The following ZHX2 variants were observed in gnomAD, a reference collection of about 807,000 sequenced individuals.
ZHX2 encodes zinc fingers and homeoboxes 2.
In ZHX2, 6 loss-of-function variants were observed where a neutral mutation model predicts 21.9. The observed-to-expected ratio is 0.27, with a 90% confidence interval of 0.15 to 0.54. ZHX2 has a LOEUF of 0.54. ZHX2 is among the 20% of genes least tolerant of loss of function. The pLI is 0.95. For missense variants in ZHX2, 908 were observed against 1,090.7 expected (o/e 0.83, Z 2.36); for synonymous variants, 434 against 437.1 (o/e 0.99, Z 0.09).
chr8:122,812,334 C>T (rs899228470), intron 1 of ZHX2, among the ~76,000 whole-genome samples: 2 of 152,224 alleles, frequency 1.3e-5, no homozygotes, highest in Admixed American at 6.5e-5. Flanking sequence ...GTGGTTCACA[C>T]CCCGTAGCAA....
intron 1 of ZHX2, among the ~76,000 whole-genome samples, chr8:122,849,525 C>G (rs1246905906): frequency 6.6e-6 from 1 of 151,890 alleles, no homozygotes; most frequent in Non-Finnish European, 1.5e-5. Context: ...CTTTTTTTTG[C>G]CTCTTCTGGC....
intron 1 of ZHX2, among the ~76,000 whole-genome samples, chr8:122,832,811 G>A (rs1304355315): frequency 3.9e-5 from 6 of 152,156 alleles, no homozygotes; most frequent in African/African-American, 7.2e-5. Flanking sequence ...ATAGGTGACC[G>A]AGGAGGTGCA....
intron 1 of ZHX2, among the ~76,000 whole-genome samples, chr8:122,847,681 C>A (rs1426805847): frequency 6.6e-6 from 1 of 152,218 alleles, no homozygotes; most frequent in Non-Finnish European, 1.5e-5. Context: ...ATGACTGTCC[C>A]CTTGGGGAAC....
chr8:122,968,045 G>A (rs1389179748), intron 3 of ZHX2, among the ~76,000 whole-genome samples: 5 of 152,140 alleles, frequency 3.3e-5, no homozygotes, highest in Admixed American at 1.3e-4. Context: ...TGAGAAGGCG[G>A]TGCAGAAAGG....
chr8:122,918,946 C>CAAA (rs79202862), intron 2 of ZHX2, among the ~76,000 whole-genome samples: 4 of 74,184 alleles, frequency 5.4e-5, no homozygotes, highest in Non-Finnish European at 2.9e-5. Context: ...GACTCCACCT[C>CAAA]AAAAAAAAAA....
At chr8:122,907,960 C>G (rs533521722) in intron 2 of ZHX2, among the ~76,000 whole-genome samples, 1 of 152,172 alleles carries the variant, frequency 6.6e-6, no homozygotes, top group African/African-American at 2.4e-5. Flanking sequence ...GATCTCCAGA[C>G]AGTTTAGAGG....
intron 2 of ZHX2, among the ~76,000 whole-genome samples, chr8:122,913,243 A>T (rs1052399408): frequency 6.6e-6 from 1 of 152,212 alleles, no homozygotes; most frequent in Non-Finnish European, 1.5e-5. Flanking sequence ...ATTCCATTGT[A>T]TGGGTAAGAC....
At chr8:122,852,874 A>G (rs1266390473) in intron 1 of ZHX2, among the ~76,000 whole-genome samples, 2 of 152,230 alleles carry the variant, frequency 1.3e-5, no homozygotes, top group East Asian at 3.9e-4. Context: ...CCCCGGGTGC[A>G]TGTGTCCCCT....
In ZHX2 at chr8:122,951,463, C is replaced by T. The variant is rs771992617; in HGVS notation, c.-48C>T. The T allele has an allele frequency of 3.9e-5, 59 of 1,514,150 alleles. No homozygotes were observed. The highest frequency in any genetic ancestry group is 4.9e-5 in the Non-Finnish European group (55 of 1,112,024). The allele number at this position is 1,514,150 out of a possible 1,614,324, so 93.8% of individuals were successfully genotyped here. A position where few individuals can be genotyped will look rare whatever the true frequency, so the allele number is the denominator to read the frequency against. On this transcript the variant is annotated 5_prime_UTR_variant, in exon 3 of 4. Transcript: ENST00000314393. ...ATTCGTTCCAAGAATCTCACCGCCC[C>T]CTCCTTATCCCCCTCCAAAAATAAG...
chr8:122,967,973 C>A (rs557665506), intron 3 of ZHX2, among the ~76,000 whole-genome samples: 1 of 151,954 alleles, frequency 6.6e-6, no homozygotes, highest in African/African-American at 2.4e-5. Context: ...CAGGGTTAGG[C>A]GAGTCTGAGC....
intron 2 of ZHX2, among the ~76,000 whole-genome samples, chr8:122,941,627 G>T (rs532538837): frequency 6.6e-6 from 1 of 151,864 alleles, no homozygotes; most frequent in South Asian, 2.1e-4. Flanking sequence ...CTTCGGCATG[G>T]CAGGGAGCTT....
At chr8:122,926,534 G>A (rs536982305) in intron 2 of ZHX2, among the ~76,000 whole-genome samples, 37 of 152,280 alleles carry the variant, frequency 2.4e-4, no homozygotes, top group African/African-American at 8.4e-4. Flanking sequence ...ATAGTTCCAC[G>A]GCCCATCGCT....
intron 1 of ZHX2, among the ~76,000 whole-genome samples, chr8:122,797,093 G>C (rs530197740): frequency 6.6e-6 from 1 of 152,184 alleles, no homozygotes; most frequent in Non-Finnish European, 1.5e-5. Flanking sequence ...CATTGGATGA[G>C]ATATGTGAGT....
intron 1 of ZHX2, among the ~76,000 whole-genome samples, chr8:122,788,374 AT>A (rs1338180907): frequency 6.6e-6 from 1 of 152,090 alleles, no homozygotes; most frequent in African/African-American, 2.4e-5. Flanking sequence ...CCTGGACAAC[AT>A]GGTGAAACCC....
chr8:122,836,931 C>T (rs1465118887), intron 1 of ZHX2, among the ~76,000 whole-genome samples: 1 of 152,128 alleles, frequency 6.6e-6, no homozygotes, highest in African/African-American at 2.4e-5. Flanking sequence ...AGGAGGTCCG[C>T]ACAAGATACA....
Position 122,951,761 on chromosome 8 carries a change from C to G in ZHX2, c.251C>G (p.Pro84Arg), listed in dbSNP as rs1273308504. ...GGTGGTTATGAGTGCAAATACTGCC[C>G]CTACTCCACGCAAAACCTGAACGAG... ...LQGGYECKYC[P>R]YSTQNLNEFT... Residue 84 changes from proline (P) to arginine (R), a missense_variant, in exon 3 of 4, where the codon CCC becomes CGC. Pro to Arg is a moderately radical substitution (Grantham distance 103). Coordinates refer to ENST00000314393, the MANE Select transcript of ZHX2 (RefSeq NM_014943.5). 6.2e-7 allele frequency: 1 copy of G among 1,613,926 alleles called. No individual in the cohort carries two copies.
chr8:122,898,785 G>C (rs374172724), intron 2 of ZHX2, among the ~76,000 whole-genome samples: 1 of 152,212 alleles, frequency 6.6e-6, no homozygotes, highest in African/African-American at 2.4e-5. Context: ...TTAATAGATA[G>C]GGAAACTGAG....
At chr8:122,790,110 A>G (rs1425087757) in intron 1 of ZHX2, among the ~76,000 whole-genome samples, 1 of 152,202 alleles carries the variant, frequency 6.6e-6, no homozygotes, top group Non-Finnish European at 1.5e-5. Flanking sequence ...GGTACAGGAT[A>G]TATAATGTCC....
chr8:122,969,696 G>A (rs939608611), intron 3 of ZHX2, among the ~76,000 whole-genome samples: 2 of 152,030 alleles, frequency 1.3e-5, no homozygotes, highest in Admixed American at 1.3e-4. Context: ...ACAGGCACTC[G>A]GCAAATGAGC....
Sources: allele counts gnomAD v4.1 joint callset (sites outside exome capture counted in the v4.1 genomes callset), GRCh38; gene constraint gnomAD v4.1.1; transcripts MANE v1.5; gene names NCBI Gene and HGNC (gene_info 2026-07-23, HGNC 2026-07-21).